FKBP9: variants seen among roughly 807,000 people sequenced by gnomAD.
FKBP9 encodes peptidyl-prolyl cis-trans isomerase FKBP9.
A neutral mutation model predicts 55.6 loss-of-function variants in FKBP9; 27 were observed. The observed-to-expected ratio is 0.49, with a 90% CI of 0.36 to 0.67. The LOEUF is 0.67. Ranked by LOEUF, FKBP9 falls within the 30% of genes least tolerant of loss-of-function variation. FKBP9 has a pLI of 0.00. For synonymous variants in FKBP9, 267 were observed against 296.5 expected (o/e 0.90, Z 1.02); for missense variants, 539 against 742.8 (o/e 0.73, Z 3.19).
chr7:32,972,922 A>G (rs1328012014), intron 1 of FKBP9, among the ~76,000 whole-genome samples: 1 of 152,068 alleles, frequency 6.6e-6, no homozygotes. Context: ...GGGTTTCACC[A>G]TGTTGGCCAG....
intron 5 of FKBP9, among the ~76,000 whole-genome samples, chr7:32,987,468 C>A (rs1784601572): frequency 6.8e-6 from 1 of 146,038 alleles, no homozygotes; most frequent in Non-Finnish European, 1.5e-5. Context: ...TCACTCCAGC[C>A]TGGGAGACAG....
chr7:32,996,470 A>T, intron 7 of FKBP9, 121 bp downstream of exon 7: 1 of 656,494 alleles, frequency 1.5e-6, no homozygotes, highest in East Asian at 2.7e-5. Context: ...GCCCCACTGC[A>T]TAGCTCGTGG....
At chr7:32,969,126 T>C (rs1423973099) in intron 1 of FKBP9, among the ~76,000 whole-genome samples, 1 of 152,160 alleles carries the variant, frequency 6.6e-6, no homozygotes, top group Non-Finnish European at 1.5e-5. Flanking sequence ...GAGTTCTTTA[T>C]ATATTCTAGA....
chr7:32,970,300 G>A (rs1342563976), intron 1 of FKBP9, among the ~76,000 whole-genome samples: 6 of 151,994 alleles, frequency 3.9e-5, no homozygotes, highest in Admixed American at 6.6e-5. Flanking sequence ...AAGTTCAAGC[G>A]ATTCTCCTGT....
At chr7:32,966,085 AG>A (rs1784141511) in intron 1 of FKBP9, among the ~76,000 whole-genome samples, 1 of 144,464 alleles carries the variant, frequency 6.9e-6, no homozygotes, top group African/African-American at 2.6e-5. Flanking sequence ...CCCAGCTTCT[AG>A]GGAGGCTGAG....
chr7:33,003,794 G>A (rs573879255), intron 9 of FKBP9, among the ~76,000 whole-genome samples: 11 of 152,204 alleles, frequency 7.2e-5, no homozygotes, highest in South Asian at 4.2e-4. Flanking sequence ...GGAGTACCCC[G>A]GGCTAAGTCT....
intron 4 of FKBP9, among the ~76,000 whole-genome samples, chr7:32,978,595 C>T (rs981215605): frequency 8.5e-5 from 13 of 152,090 alleles, no homozygotes; most frequent in African/African-American, 2.7e-4. Context: ...TGGACTCAAG[C>T]GATCCTCCCA....
chr7:32,965,797 C>CAAAAAAAAAA (rs760247071), intron 1 of FKBP9, among the ~76,000 whole-genome samples: 1 of 38,554 alleles, frequency 2.6e-5, no homozygotes, highest in African/African-American at 1.4e-4. Flanking sequence ...GACTCCATGT[C>CAAAAAAAAAA]AAAAAAAAAA....
chr7:32,982,182 G>T (rs1171980784), intron 5 of FKBP9, among the ~76,000 whole-genome samples: 1 of 151,854 alleles, frequency 6.6e-6, no homozygotes, highest in East Asian at 2.0e-4. Flanking sequence ...CACCACGCCT[G>T]GCTAATTTTT....
At chr7:32,962,362 A>C (rs368528620) in intron 1 of FKBP9, among the ~76,000 whole-genome samples, 20 of 152,336 alleles carry the variant, frequency 1.3e-4, no homozygotes, top group African/African-American at 4.6e-4. Context: ...CCACTGCACT[A>C]CAGCCTGGGC....
chr7:32,963,694 T>G, intron 1 of FKBP9: 2 of 1,379,944 alleles, frequency 1.4e-6, no homozygotes, highest in Non-Finnish European at 1.9e-6. Context: ...TCCAGAATCA[T>G]GGACTGAGGT....
intron 5 of FKBP9, 21 bp from the exon 6 acceptor site, chr7:32,988,486 C>T (rs771777926): frequency 1.2e-6 from 2 of 1,613,550 alleles, no homozygotes; most frequent in Admixed American, 3.3e-5. Context: ...TGACCTCTTT[C>T]TTTCCTTTCT....
Position 32,988,565 on chromosome 7 carries a change from A to G in FKBP9, c.952A>G (p.Met318Val), listed in dbSNP as rs545857626. ...TGGGCAGGGCTACGTGATTCCTGGG[A>G]TGGATGAAGGTCTACTTGGTGTTTG... is the stretch of plus-strand genomic sequence containing the variant. Reference protein sequence around the residue: ...YIGQGYVIPGMDEGLLGVCIG... With the variant: ...YIGQGYVIPGVDEGLLGVCIG... Residue 318 changes from methionine to valine, a missense_variant, in exon 6 of 10, where the codon ATG becomes GTG. Physicochemically the swap from Met to Val is conservative, Grantham distance 21. Coordinates refer to ENST00000242209, the MANE Select transcript of FKBP9 (RefSeq NM_007270.5). 5.0e-6 allele frequency: 8 copies of G among 1,613,772 alleles called. No individual in the cohort carries two copies. In the East Asian group the frequency reaches 8.9e-5, roughly 18 times the overall value.
intron 7 of FKBP9, among the ~76,000 whole-genome samples, chr7:32,999,376 A>G (rs936284202): frequency 1.3e-5 from 2 of 151,930 alleles, no homozygotes; most frequent in African/African-American, 4.8e-5. Context: ...ATTTTGGCGT[A>G]GATTTATTTT....
At chr7:33,001,838 C>T (rs940529674) in intron 8 of FKBP9, 5 of 152,120 alleles carry the variant, frequency 3.3e-5, no homozygotes, top group African/African-American at 1.2e-4. Context: ...GTAGTCTCTA[C>T]AAGCAGCTTT....
intron 9 of FKBP9, among the ~76,000 whole-genome samples, chr7:33,004,314 C>G (rs1784991376): frequency 6.6e-6 from 1 of 152,136 alleles, no homozygotes; most frequent in African/African-American, 2.4e-5. Context: ...AGGCCCCTGT[C>G]TACAGGGCCT....
chr7:33,000,728 TTA>T (rs916677659), intron 8 of FKBP9, among the ~76,000 whole-genome samples: 7 of 152,018 alleles, frequency 4.6e-5, no homozygotes, highest in African/African-American at 1.7e-4. Context: ...CTCACAGTGG[TTA>T]TGTTTTACTC....
chr7:33,002,583 G>A (rs1441145095), intron 8 of FKBP9, 93 bp from the exon 9 acceptor site: 131 of 1,545,772 alleles, frequency 8.5e-5, no homozygotes, highest in Non-Finnish European at 1.1e-4. Context: ...CCCACTCTGA[G>A]TGAGGCTGCT....
chr7:32,975,337 G>C lies in FKBP9; in HGVS notation c.523G>C (p.Gly175Arg). Residue 175 changes from glycine to arginine, a missense_variant, in exon 3 of 10, where the codon GGG (glycine) becomes CGG (arginine). Physicochemically the swap from Gly to Arg is moderately radical, Grantham distance 125. Coordinates refer to ENST00000242209, the MANE Select transcript of FKBP9 (RefSeq NM_007270.5). ...TGATTTTGTGAGGTACCACTACAAC[G>C]GGACGTTCCTGGACGGAACTCTGTT... ...VSDFVRYHYN[G>R]TFLDGTLFDS... is the part of the protein sequence containing the mutation. 6.2e-7 allele frequency: 1 copy of C among 1,613,988 alleles called. No homozygotes were observed.
Sources: gnomAD v4.1 joint callset for allele counts (sites outside exome capture counted in the v4.1 genomes callset) on GRCh38, gnomAD v4.1.1 for gene constraint, MANE v1.5 for transcripts, NCBI Gene and HGNC (gene_info 2026-07-23, HGNC 2026-07-21) for gene names.